CDH18: variants seen among roughly 807,000 people sequenced by gnomAD.
CDH18 encodes the protein cadherin-18.
In CDH18, 31 loss-of-function variants were observed where a neutral mutation model predicts 67.9. The ratio of observed to expected loss-of-function variants is 0.46; its 90% confidence interval spans 0.34 to 0.62. The LOEUF (loss-of-function observed/expected upper bound fraction) is 0.62. Ranked by LOEUF, CDH18 falls within the 20% of genes least tolerant of loss-of-function variation. The pLI, the probability that CDH18 is intolerant of heterozygous loss-of-function variation, is 0.01. For synonymous variants in CDH18, 362 were observed against 347.2 expected (o/e 1.04, Z -0.48); for missense variants, 890 against 975.5 (o/e 0.91, Z 1.17).
Position 19,816,617 on chromosome 5 carries a change from T to C in CDH18, c.228+22142A>G, listed in dbSNP as rs542334985. 3.9e-5 allele frequency among the ~76,000 whole-genome samples: 6 copies of C among 151,956 alleles called. No individual in the cohort carries two copies. The South Asian group carries it at 1.2e-3, about 31-fold the overall frequency. On this transcript the variant is annotated intron_variant, in intron 3 of 12. Coordinates refer to ENST00000382275, the MANE Select transcript of CDH18 (RefSeq NM_004934.5). ...TGGTAAATATGAAACATAAATCCAA[T>C]CTAGTCAATAGTTAATGACTAAAAA...
At chr5:20,492,553 A>T (rs1272970665) in intron 1 of CDH18, among the ~76,000 whole-genome samples, 1 of 152,146 alleles carries the variant, frequency 6.6e-6, no homozygotes, top group Non-Finnish European at 1.5e-5. Flanking sequence ...TATCGTTGGT[A>T]AAGTTCATTT....
chr5:20,492,754 A>G (rs1753668030), intron 1 of CDH18, among the ~76,000 whole-genome samples: 7 of 152,216 alleles, frequency 4.6e-5, no homozygotes, highest in Non-Finnish European at 1.5e-5. Flanking sequence ...AAAGAATGCT[A>G]AATTGTGTTT....
At chr5:19,494,494 C>T (rs918521381) in intron 11 of CDH18, among the ~76,000 whole-genome samples, 1 of 152,138 alleles carries the variant, frequency 6.6e-6, no homozygotes, top group African/African-American at 2.4e-5. Flanking sequence ...ATTTGTTTCC[C>T]CTTTTGAACT....
At chr5:20,061,891 C>A (rs541534656) in intron 2 of CDH18, among the ~76,000 whole-genome samples, 1 of 152,170 alleles carries the variant, frequency 6.6e-6, no homozygotes, top group African/African-American at 2.4e-5. Flanking sequence ...CATGTCCTGA[C>A]TTAGCCCTTG....
chr5:20,272,477 T>A (rs1745508407), intron 1 of CDH18, among the ~76,000 whole-genome samples: 2 of 152,044 alleles, frequency 1.3e-5, no homozygotes, highest in Non-Finnish European at 2.9e-5. Flanking sequence ...AAAAAAAGCA[T>A]TTTGTATGCT....
chr5:20,518,982 C>A (rs1248615130), intron 1 of CDH18, among the ~76,000 whole-genome samples: 2 of 152,064 alleles, frequency 1.3e-5, no homozygotes, highest in Non-Finnish European at 2.9e-5. Flanking sequence ...ATAGAAGAAA[C>A]AACATCTGAT....
At chr5:19,891,267 A>G (rs1407188213) in intron 2 of CDH18, among the ~76,000 whole-genome samples, 1 of 152,122 alleles carries the variant, frequency 6.6e-6, no homozygotes, top group Admixed American at 6.6e-5. Context: ...ACTTTCTAAC[A>G]TCAGTATAAT....
intron 9 of CDH18, among the ~76,000 whole-genome samples, chr5:19,533,782 T>C (rs371549143): frequency 1.2e-3 from 179 of 152,138 alleles, no homozygotes; most frequent in Middle Eastern, 6.8e-3. Context: ...ACTAGCTAGG[T>C]TGATATATAG....
At chr5:20,150,050 T>C (rs1750979622) in intron 2 of CDH18, among the ~76,000 whole-genome samples, 1 of 152,288 alleles carries the variant, frequency 6.6e-6, no homozygotes, top group South Asian at 2.1e-4. Context: ...ACAACTGTAT[T>C]CTACCTTGCA....
At chr5:20,319,722 A>G (rs1462612921) in intron 1 of CDH18, among the ~76,000 whole-genome samples, 1 of 152,144 alleles carries the variant, frequency 6.6e-6, no homozygotes, top group African/African-American at 2.4e-5. Context: ...CATAATCCAT[A>G]TGACTTTCTC....
intron 3 of CDH18, among the ~76,000 whole-genome samples, chr5:19,796,362 C>G (rs1469138705): frequency 1.3e-5 from 2 of 152,040 alleles, no homozygotes; most frequent in Non-Finnish European, 1.5e-5. Flanking sequence ...AAAGGAAAGG[C>G]AATTCAAATG....
chr5:20,547,864 T>A (rs1757426892), intron 1 of CDH18, among the ~76,000 whole-genome samples: 1 of 152,090 alleles, frequency 6.6e-6, no homozygotes, highest in South Asian at 2.1e-4. Flanking sequence ...GAATCCCAGA[T>A]ACTTTTATTA....
At chr5:20,379,116 T>C (rs903737352) in intron 1 of CDH18, among the ~76,000 whole-genome samples, 2 of 152,152 alleles carry the variant, frequency 1.3e-5, no homozygotes, top group Non-Finnish European at 2.9e-5. Flanking sequence ...CAAAATTTTA[T>C]TAGAAAATAA....
At chr5:19,821,486 C>T (rs1461237407) in intron 3 of CDH18, among the ~76,000 whole-genome samples, 1 of 151,322 alleles carries the variant, frequency 6.6e-6, no homozygotes, top group African/African-American at 2.4e-5. Context: ...GAGAACAAAC[C>T]CACAATTCCT....
chr5:19,926,192 G>T lies in CDH18; in HGVS notation c.-257+54868C>A, dbSNP rs555813126. Among the ~76,000 whole-genome samples the T allele has an allele frequency of 2.0e-5, 3 of 152,118 alleles. No individual in the cohort carries two copies. In the East Asian group the frequency reaches 5.8e-4, roughly 29 times the overall value. ...TACCGTTCAAGCCTATGTTGTTAAA[G>T]GGTCAACTGTGTATTCACTAAAGTC... On this transcript the variant is annotated intron_variant, in intron 2 of 12. Coordinates refer to ENST00000382275, the MANE Select transcript of CDH18 (RefSeq NM_004934.5).
chr5:19,507,969 C>G (rs567393769), intron 10 of CDH18, among the ~76,000 whole-genome samples: 4 of 151,360 alleles, frequency 2.6e-5, no homozygotes, highest in African/African-American at 9.7e-5. Context: ...ATTATCATGT[C>G]TTGTTTAACA....
At chr5:19,702,967 C>T (rs1763463483) in intron 5 of CDH18, among the ~76,000 whole-genome samples, 1 of 152,148 alleles carries the variant, frequency 6.6e-6, no homozygotes, top group Admixed American at 6.5e-5. Flanking sequence ...CTAGCCAGAG[C>T]CCATCCCTTT....
At chr5:20,427,642 G>T (rs1748404834) in intron 1 of CDH18, among the ~76,000 whole-genome samples, 1 of 151,066 alleles carries the variant, frequency 6.6e-6, no homozygotes. Context: ...GTGTAAAATG[G>T]ACATTGGTCT....
chr5:20,451,935 G>A (rs1750479925), intron 1 of CDH18, among the ~76,000 whole-genome samples: 1 of 152,124 alleles, frequency 6.6e-6, no homozygotes, highest in Admixed American at 6.6e-5. Context: ...TAAATGATTA[G>A]AAGAGCTACT....
Sources: allele counts gnomAD v4.1 joint callset (sites outside exome capture counted in the v4.1 genomes callset), GRCh38; gene constraint gnomAD v4.1.1; transcripts MANE v1.5; gene names NCBI Gene and HGNC (gene_info 2026-07-23, HGNC 2026-07-21).